OPCML: variants seen among roughly 807,000 people sequenced by gnomAD.
OPCML encodes opioid binding protein/cell adhesion molecule like, also known as opioid-binding protein/cell adhesion molecule.
A neutral mutation model predicts 37.8 loss-of-function variants in OPCML; 13 were observed. The ratio of observed to expected loss-of-function variants is 0.34; its 90% CI spans 0.22 to 0.55. The LOEUF is 0.55. Ranked by LOEUF, OPCML falls within the 20% of genes least tolerant of loss-of-function variation. OPCML has a pLI of 0.91. For missense variants in OPCML, 341 were observed against 435.6 expected (o/e 0.78, Z 1.93); for synonymous variants, 176 against 168.8 (o/e 1.04, Z -0.33).
At chr11:133,167,891 CCTAT>C (rs1950233763) in intron 1 of OPCML, among the ~76,000 whole-genome samples, 1 of 152,172 alleles carries the variant, frequency 6.6e-6, no homozygotes, top group African/African-American at 2.4e-5. Context: ...CCTTAACATT[CCTAT>C]CTATCTTTCA....
chr11:132,886,670 C>A (rs1353185722), intron 2 of OPCML, among the ~76,000 whole-genome samples: 1 of 152,158 alleles, frequency 6.6e-6, no homozygotes, highest in African/African-American at 2.4e-5. Context: ...AGTCATGAGT[C>A]CATACCGGGT....
chr11:133,219,605 C>T (rs5025998), intron 1 of OPCML, among the ~76,000 whole-genome samples: 2 of 151,722 alleles, frequency 1.3e-5, no homozygotes, highest in Admixed American at 1.3e-4. Flanking sequence ...ATCAGGTCTG[C>T]AGTGTGATGA....
intron 1 of OPCML, among the ~76,000 whole-genome samples, chr11:133,374,293 A>C (rs531641785): frequency 6.6e-6 from 1 of 152,338 alleles, no homozygotes; most frequent in Non-Finnish European, 1.5e-5. Flanking sequence ...TAGTGTCTGG[A>C]AATAGAATGT....
chr11:132,793,039 G>C (rs1003745049), intron 2 of OPCML, among the ~76,000 whole-genome samples: 31 of 152,306 alleles, frequency 2.0e-4, no homozygotes, highest in African/African-American at 7.0e-4. Context: ...GGCTCTGCTG[G>C]TGCTGGCTGG....
intron 2 of OPCML, among the ~76,000 whole-genome samples, chr11:132,801,572 A>C (rs1304120254): frequency 6.6e-6 from 1 of 152,260 alleles, no homozygotes; most frequent in Non-Finnish European, 1.5e-5. Context: ...AAACTTTTCA[A>C]ACCAAACAAA....
chr11:132,751,344 C>T (rs542522656), intron 2 of OPCML, among the ~76,000 whole-genome samples: 14 of 152,190 alleles, frequency 9.2e-5, no homozygotes, highest in Non-Finnish European at 2.1e-4. Context: ...AACACTGCCA[C>T]CAGCCCCAGA....
rs557927910 is a variant in OPCML at position 133,211,069 on chromosome 11, T to C, written c.62-268059A>G. ...AACTATAACCACCTAGTAATAGAAA[T>C]GAAATGAGGCATCATTCAAAACAGA... On this transcript the variant is annotated intron_variant, in intron 1 of 7. Coordinates refer to ENST00000524381, the MANE Select transcript of OPCML (RefSeq NM_001012393.5). This position sits in a 1 kb window ranked among gnomAD's most constrained non-coding sequence, Gnocchi z 4.1. Among the ~76,000 whole-genome samples the C allele has an allele frequency of 1.3e-5, 2 of 152,314 alleles. No homozygotes were observed. Among genetic ancestry groups the C allele is most frequent in the Admixed American group, 6.5e-5 (1 of 15,304 alleles).
intron 3 of OPCML, among the ~76,000 whole-genome samples, chr11:132,614,217 G>A (rs980007369): frequency 1.3e-5 from 2 of 152,072 alleles, no homozygotes; most frequent in Non-Finnish European, 2.9e-5. Context: ...GGTACCTGCT[G>A]GATTTGGTCT....
rs548538114 is a variant in OPCML at position 132,953,492 on chromosome 11, C to A, written c.62-10482G>T. Among the ~76,000 whole-genome samples, 7 of 152,266 alleles carry A rather than the reference C, an allele frequency of 4.6e-5. No homozygotes were observed. The South Asian group carries it at 8.3e-4, about 18-fold the overall frequency. On this transcript the variant is annotated intron_variant, in intron 1 of 7. Coordinates refer to ENST00000524381, the MANE Select transcript of OPCML (RefSeq NM_001012393.5). ...AAGGGACCGATTTCCGCAAGCCATACGATAAAATCAGCCTCATTGCTTTAT... is the reference window on the plus strand; with the variant it reads ...AAGGGACCGATTTCCGCAAGCCATAAGATAAAATCAGCCTCATTGCTTTAT...
chr11:132,810,067 A>T (rs146528763), intron 2 of OPCML, among the ~76,000 whole-genome samples: 3,039 of 151,752 alleles, frequency 0.02, 34 homozygotes, highest in Middle Eastern at 0.031. Flanking sequence ...GCCAGGATGG[A>T]CTCGAAGTCC....
intron 1 of OPCML, chr11:133,006,306 C>A (rs2136862414): frequency 1.8e-6 from 1 of 548,232 alleles, no homozygotes; most frequent in East Asian, 1.5e-4. Flanking sequence ...CCCTGTTTCC[C>A]TTTTTCTTCC....
intron 1 of OPCML, among the ~76,000 whole-genome samples, chr11:133,282,018 C>CA (rs1942170941): frequency 2.1e-5 from 3 of 141,192 alleles, no homozygotes; most frequent in South Asian, 2.3e-4. Flanking sequence ...GGAACAACAA[C>CA]AACAACAAAA....
At chr11:132,613,500 G>T (rs2846400) in intron 3 of OPCML, among the ~76,000 whole-genome samples, 41,930 of 152,006 alleles carry the variant, frequency 0.28, 6,908 homozygotes, top group East Asian at 0.66. Context: ...GGAGAATTCC[G>T]TGGGATTCTT....
chr11:132,754,701 G>A lies in OPCML; in HGVS notation c.147-97382C>T, dbSNP rs143454451. 4.3e-4 allele frequency among the ~76,000 whole-genome samples: 65 copies of A among 152,190 alleles called. 1 individual carries two copies. The East Asian group carries it at 0.011, about 27-fold the overall frequency. The stretch of plus-strand genomic sequence containing the variant: ...ACCACAGAGTAAGTGACTAAGGGAG[G>A]GGCAGGCTCAGAAATGGCTTCAAAA... On this transcript the variant is annotated intron_variant, in intron 2 of 7. Transcript: ENST00000524381.
intron 1 of OPCML, among the ~76,000 whole-genome samples, chr11:133,233,276 A>G (rs776466092): frequency 6.6e-6 from 1 of 152,198 alleles, no homozygotes; most frequent in Non-Finnish European, 1.5e-5. Flanking sequence ...AGAACGTGCC[A>G]TCCCCAAATA....
At chr11:133,031,116 T>C (rs1430211617) in intron 1 of OPCML, among the ~76,000 whole-genome samples, 1 of 152,222 alleles carries the variant, frequency 6.6e-6, no homozygotes, top group East Asian at 1.9e-4. Flanking sequence ...TCACTAAGTC[T>C]GGCATTTAGT....
chr11:132,602,895 C>T (rs914459739), intron 3 of OPCML, among the ~76,000 whole-genome samples: 8 of 152,222 alleles, frequency 5.3e-5, no homozygotes, highest in Non-Finnish European at 1.0e-4. Flanking sequence ...GCTTAGTGCT[C>T]AGGTCACGGA....
At chr11:133,483,839 T>C (rs980973269) in intron 1 of OPCML, among the ~76,000 whole-genome samples, 7 of 94,814 alleles carry the variant, frequency 7.4e-5, no homozygotes, top group African/African-American at 3.8e-4. Flanking sequence ...GATGGATACA[T>C]AGATGATAGA....
At chr11:133,079,625 G>GT (rs1420454641) in intron 1 of OPCML, among the ~76,000 whole-genome samples, 1 of 152,166 alleles carries the variant, frequency 6.6e-6, no homozygotes, top group African/African-American at 2.4e-5. Flanking sequence ...GCCACCCACT[G>GT]TAAGAACCTC....
Sources: allele counts gnomAD v4.1 joint callset (sites outside exome capture counted in the v4.1 genomes callset), GRCh38; gene constraint gnomAD v4.1.1; non-coding constraint Gnocchi (gnomAD v3.1); transcripts MANE v1.5; gene names NCBI Gene and HGNC (gene_info 2026-07-23, HGNC 2026-07-21).